AP2A1: variants seen among roughly 807,000 people sequenced by gnomAD.
The protein encoded by AP2A1 is adaptor related protein complex 2 subunit alpha 1, also known as AP-2 complex subunit alpha-1.
Under a neutral mutation model 107.3 loss-of-function variants are expected in AP2A1, and 21 were observed. That is an observed-to-expected ratio of 0.20 (90% CI 0.14 to 0.28). AP2A1 has a LOEUF of 0.28. Among genes scored for constraint, AP2A1 ranks in the 10% least tolerant of loss-of-function variants. The pLI is 1.00. For synonymous variants in AP2A1, 602 were observed against 564.8 expected (o/e 1.07, Z -0.93); for missense variants, 873 against 1,307.7 (o/e 0.67, Z 5.13).
intron 1 of AP2A1, among the ~76,000 whole-genome samples, chr19:49,768,305 T>A (rs760311439): frequency 2.0e-5 from 3 of 151,726 alleles, no homozygotes; most frequent in Non-Finnish European, 4.4e-5. Flanking sequence ...CTGCCAGGAG[T>A]CTTCAGAGGC....
chr19:49,773,367 G>C (rs1179272539), intron 1 of AP2A1, among the ~76,000 whole-genome samples: 1 of 152,186 alleles, frequency 6.6e-6, no homozygotes. Context: ...TCTTCCATCA[G>C]AGCACATCCC....
At chr19:49,784,522 ATAAG>A (rs1464492046) in intron 4 of AP2A1, among the ~76,000 whole-genome samples, 2 of 152,272 alleles carry the variant, frequency 1.3e-5, no homozygotes, top group Non-Finnish European at 2.9e-5. Flanking sequence ...GTTTCAATAA[ATAAG>A]AGAAGCATTT....
chr19:49,799,377 A>C lies in AP2A1; in HGVS notation c.1016A>C (p.Gln339Pro). ...TGCAACCAGCTGGGCCAGTTCCTGC[A>C]GCACCGGGAGACCAACCTGCGCTAC... ...RACNQLGQFL[Q>P]HRETNLRYLA... is the part of the protein sequence containing the mutation. Residue 339 changes from glutamine to proline, a missense_variant, in exon 9 of 23, where the codon CAG becomes CCG. By Grantham distance (76) the Gln-to-Pro change is moderately conservative (BLOSUM62 -1). Coordinates refer to ENST00000354293, the MANE Select transcript of AP2A1 (RefSeq NM_130787.3). 6.2e-7 allele frequency: 1 copy of C among 1,612,388 alleles called. No homozygotes were observed. Among genetic ancestry groups the C allele is most frequent in the South Asian group, 1.1e-5 (1 of 90,896 alleles).
At chr19:49,804,538 A>G (rs2073336331) in intron 18 of AP2A1, 1 of 114,558 alleles carries the variant, frequency 8.7e-6, no homozygotes, top group Admixed American at 8.6e-5. Context: ...ACTCCGTCTC[A>G]GGAAAAAAAA....
intron 1 of AP2A1, among the ~76,000 whole-genome samples, chr19:49,769,931 C>T (rs1449604308): frequency 6.6e-6 from 1 of 151,928 alleles, no homozygotes; most frequent in Admixed American, 6.6e-5. Flanking sequence ...TGCAGTGGCA[C>T]GATCATACCT....
At chr19:49,803,055 A>G (rs760345500) in intron 16 of AP2A1, 50 bp downstream of exon 16, 2 of 1,613,558 alleles carry the variant, frequency 1.2e-6, no homozygotes, top group South Asian at 1.1e-5. Flanking sequence ...TGCGGAGCCC[A>G]GGCCAGGTGC....
chr19:49,803,053 C>A (rs774914078), intron 16 of AP2A1, 48 bp downstream of exon 16: 1 of 1,613,736 alleles, frequency 6.2e-7, no homozygotes, highest in South Asian at 1.1e-5. Context: ...GGTGCGGAGC[C>A]CAGGCCAGGT....
intron 15 of AP2A1, chr19:49,802,433 C>G (rs1211150720): frequency 1.7e-6 from 2 of 1,172,876 alleles, no homozygotes; most frequent in East Asian, 2.5e-5. Flanking sequence ...CCTCTTCCGT[C>G]CCTCCCTCTC....
rs868693137 is a variant in AP2A1, at chr19:49,801,782, C to A, written c.1846C>A (p.Leu616Met). ...GCGCGAGTCGTCCATCCTGGCCAAG[C>A]TGAAACGCAAGAAGGGGCCAGGGGC... ...PERESSILAKLKRKKGPGAGS... is the reference protein window; with the variant it reads ...PERESSILAKMKRKKGPGAGS... The change falls in exon 14 of 23, where the codon CTG becomes ATG. Residue 616 changes from leucine (L) to methionine (M), a missense_variant. Around this residue, in one of 4 missense-constraint regions of AP2A1, gnomAD observed 416 missense variants for 473.4 expected, o/e 0.88. Coordinates refer to ENST00000354293, the MANE Select transcript of AP2A1 (RefSeq NM_130787.3). The A allele has an allele frequency of 6.4e-7, 1 of 1,569,352 alleles. No homozygotes were observed. The highest frequency in any genetic ancestry group is 8.6e-7 in the Non-Finnish European group (1 of 1,159,880).
At chr19:49,771,529 C>T (rs1449781189) in intron 1 of AP2A1, among the ~76,000 whole-genome samples, 1 of 151,592 alleles carries the variant, frequency 6.6e-6, no homozygotes, top group Non-Finnish European at 1.5e-5. Flanking sequence ...CTGCCTCAGC[C>T]TCCCGAGTAG....
intron 21 of AP2A1, 45 bp downstream of exon 21, chr19:49,805,986 T>G (rs1318801035): frequency 6.2e-7 from 1 of 1,613,178 alleles, no homozygotes. Flanking sequence ...CTGCTTTGCT[T>G]CTCTGAGCCT....
chr19:49,800,096 G>A lies in AP2A1; in HGVS notation c.1401G>A (p.Gln467=). The change falls in exon 11 of 23, where the codon CAG becomes CAA. Residue 467 remains glutamine, a synonymous_variant. Coordinates refer to ENST00000354293, the MANE Select transcript of AP2A1 (RefSeq NM_130787.3). ...AGGAGGTGTGGTACCGTGTGCTACA[G>A]ATCGTCACCAACCGTGATGACGTCC... ...VSEEVWYRVL[Q]IVTNRDDVQG... 1.9e-6 allele frequency: 3 copies of A among 1,613,952 alleles called. No homozygotes were observed. The highest frequency in any genetic ancestry group is 2.5e-6 in the Non-Finnish European group (3 of 1,179,826).
intron 1 of AP2A1, among the ~76,000 whole-genome samples, chr19:49,778,309 G>T (rs537152293): frequency 2.0e-5 from 3 of 152,178 alleles, no homozygotes; most frequent in Non-Finnish European, 4.4e-5. Flanking sequence ...GTGGCCAGGC[G>T]TGGTGGCTTA....
chr19:49,779,487 CAAAAAAAAAAAAA>C (rs370114853), intron 1 of AP2A1, among the ~76,000 whole-genome samples: 1 of 83,976 alleles, frequency 1.2e-5, no homozygotes, highest in African/African-American at 4.9e-5. Context: ...GCCTGGGCTA[CAAAAAAAAAAAAA>C]AAAAAAAAAA....
In AP2A1 at chr19:49,801,636, C is replaced by A. The variant is rs776354579; in HGVS notation, c.1785+15C>A. On this transcript the variant is annotated intron_variant, in intron 13 of 22. Coordinates refer to ENST00000354293, the MANE Select transcript of AP2A1 (RefSeq NM_130787.3). Reference sequence around the variant, plus strand: ...CCGACGTCCTGGTCAGAGCCCTGTCCCCCCACCCCACCCCTCTTGCACACC... The same window carrying A: ...CCGACGTCCTGGTCAGAGCCCTGTCACCCCACCCCACCCCTCTTGCACACC... 1 of 1,573,596 alleles carries A rather than the reference C, an allele frequency of 6.4e-7. No individual in the cohort carries two copies. The highest frequency in any genetic ancestry group is 8.7e-7 in the Non-Finnish European group (1 of 1,155,734).
intron 15 of AP2A1, chr19:49,802,703 C>A: frequency 8.3e-7 from 1 of 1,198,876 alleles, no homozygotes; most frequent in Non-Finnish European, 1.1e-6. Flanking sequence ...TCCTGATGAG[C>A]AGCAGAGGCA....
Position 49,799,456 on chromosome 19 carries a change from C to T in AP2A1, c.1095C>T (p.Ala365=), listed in dbSNP as rs201278183. 5,947 of 1,611,686 alleles carry T rather than the reference C, an allele frequency of 3.7e-3. 66 individuals carry two copies. The highest frequency in any genetic ancestry group is 0.027 in the Middle Eastern group (161 of 6,058). The change falls in exon 9 of 23, where the codon GCC becomes GCT. Residue 365 remains alanine (A), a synonymous_variant. Coordinates refer to ENST00000354293, the MANE Select transcript of AP2A1 (RefSeq NM_130787.3). Reference sequence around the variant, plus strand: ...CCAGCTCCGAGTTCTCCCATGAAGCCGTCAAGACGCACATTGACACCGTCA... The same window carrying T: ...CCAGCTCCGAGTTCTCCCATGAAGCTGTCAAGACGCACATTGACACCGTCA... ...TLASSEFSHE[A]VKTHIDTVIN...
rs774759916 is a variant in AP2A1 at position 49,795,626 on chromosome 19, C to T, written c.706-4C>T. 3.3e-6 allele frequency: 5 copies of T among 1,536,796 alleles called. No individual in the cohort carries two copies. Among genetic ancestry groups the T allele is most frequent in the Non-Finnish European group, 3.5e-6 (4 of 1,131,854 alleles). On this transcript the variant is annotated splice_polypyrimidine_tract_variant and splice_region_variant and intron_variant, in intron 6 of 22. Transcript: ENST00000354293. ...CCAACTTATTTCTTGCTCTTCCCCG[C>T]CAGATCGTCTCCTCTGCCTCCACCG... is the stretch of plus-strand genomic sequence containing the variant.
chr19:49,792,960 G>T, intron 5 of AP2A1, 31 bp from the exon 6 acceptor site: 1 of 1,558,102 alleles, frequency 6.4e-7, no homozygotes, highest in South Asian at 1.2e-5. Flanking sequence ...CTCCCCCAGG[G>T]GCCTGACTTG....
Sources: gnomAD v4.1 joint callset for allele counts (sites outside exome capture counted in the v4.1 genomes callset) on GRCh38, gnomAD v4.1.1 for gene constraint, gnomAD v4.1.1 regional missense constraint, MANE v1.5 for transcripts, NCBI Gene and HGNC (gene_info 2026-07-23, HGNC 2026-07-21) for gene names.